The following SCAPER variants were observed in gnomAD, a reference collection of about 807,000 sequenced individuals.
SCAPER encodes the protein S-phase cyclin A associated protein in the ER, also known as S phase cyclin A-associated protein in the endoplasmic reticulum.
Under a neutral mutation model 182.2 loss-of-function variants are expected in SCAPER, and 98 were observed. The observed-to-expected ratio is 0.54, with a 90% CI of 0.46 to 0.64. The LOEUF (loss-of-function observed/expected upper bound fraction) is 0.64. SCAPER is among the 30% of genes least tolerant of loss of function. The pLI is 0.00. For synonymous variants in SCAPER, 605 were observed against 564.6 expected, an observed-to-expected ratio of 1.07 and a Z score of -1.01; for missense variants, 1,432 against 1,690.0, an observed-to-expected ratio of 0.85 and a Z score of 2.68.
At chr15:76,703,360 C>G (rs946355024) in intron 18 of SCAPER, among the ~76,000 whole-genome samples, 3 of 152,182 alleles carry the variant, frequency 2.0e-5, no homozygotes, top group East Asian at 1.9e-4. Context: ...TAGTAGGCAT[C>G]AACTTACAAA....
In SCAPER at chr15:76,595,303, G is replaced by C. The variant is rs1433767580; in HGVS notation, c.2712-21019C>G. Among the ~76,000 whole-genome samples, 4 of 119,716 alleles carry C rather than the reference G, an allele frequency of 3.3e-5. 2 individuals carry two copies. Among genetic ancestry groups the C allele is most frequent in the Non-Finnish European group, 8.2e-5 (4 of 48,920 alleles). 78.5% of individuals were successfully genotyped at this position (119,716 alleles called of 152,430 possible). The stretch of plus-strand genomic sequence containing the variant: ...ACTATCCTAAATATATACGGACCCA[G>C]ATACATAAAGCAAGTTCTTAGAGAC... On this transcript the variant is annotated intron_variant, in intron 22 of 31. Transcript: ENST00000563290.
intron 14 of SCAPER, among the ~76,000 whole-genome samples, chr15:76,754,865 C>T (rs2062318856): frequency 6.6e-6 from 1 of 152,040 alleles, no homozygotes; most frequent in African/African-American, 2.4e-5. Context: ...ATTGTTTTTA[C>T]TTCTATAAAA....
intron 24 of SCAPER, among the ~76,000 whole-genome samples, chr15:76,501,392 GA>G: frequency 6.9e-6 from 1 of 145,546 alleles, no homozygotes; most frequent in South Asian, 2.2e-4. Context: ...TCATTCACAC[GA>G]AGTTGCTTAA....
At chr15:76,488,685 C>T (rs535530279) in intron 24 of SCAPER, among the ~76,000 whole-genome samples, 3 of 136,280 alleles carry the variant, frequency 2.2e-5, no homozygotes, top group Admixed American at 7.6e-5. Flanking sequence ...TCAATTCTTG[C>T]GTGTTGCATC....
intron 26 of SCAPER, among the ~76,000 whole-genome samples, chr15:76,431,675 G>GAAAAAAAAAA (rs1567126176): frequency 2.3e-4 from 1 of 4,316 alleles, no homozygotes; most frequent in Non-Finnish European, 3.6e-4. Flanking sequence ...AAAATGATTA[G>GAAAAAAAAAA]CAAAAAAAAA....
chr15:76,727,852 T>C (rs887026218), intron 17 of SCAPER, among the ~76,000 whole-genome samples: 1 of 149,126 alleles, frequency 6.7e-6, no homozygotes, highest in African/African-American at 2.5e-5. Flanking sequence ...TAAACATCAA[T>C]AAGAAAAAAA....
intron 26 of SCAPER, among the ~76,000 whole-genome samples, chr15:76,407,498 T>C (rs187554117): frequency 6.6e-6 from 1 of 152,352 alleles, no homozygotes; most frequent in Admixed American, 6.5e-5. Flanking sequence ...TTTACTTACG[T>C]TGTTTCAAGC....
At chr15:76,729,022 C>T (rs2060752230) in intron 16 of SCAPER, among the ~76,000 whole-genome samples, 1 of 152,030 alleles carries the variant, frequency 6.6e-6, no homozygotes, top group African/African-American at 2.4e-5. Flanking sequence ...TAATCAGCTG[C>T]CAGCGAGGCT....
chr15:76,596,913 C>T lies in SCAPER; in HGVS notation c.2712-22629G>A, dbSNP rs1470919606. Among the ~76,000 whole-genome samples the T allele has an allele frequency of 4.9e-5, 6 of 121,882 alleles. 1 individual carries two copies. The highest frequency in any genetic ancestry group is 1.5e-4 in the African/African-American group (6 of 39,796). The allele number at this position is 121,882 out of a possible 152,430, so 80.0% of individuals were successfully genotyped here. ...GAAAACCGGCAAAGACAAGGATGCC[C>T]TCTCTCACCACTCCTATTCAACATA... On this transcript the variant is annotated intron_variant, in intron 22 of 31. Transcript: ENST00000563290.
chr15:76,725,678 A>G (rs922745547), intron 17 of SCAPER, among the ~76,000 whole-genome samples: 4 of 152,094 alleles, frequency 2.6e-5, no homozygotes, highest in Non-Finnish European at 5.9e-5. Context: ...ACAGTGAGCC[A>G]AGAAATACAG....
chr15:76,479,582 G>A (rs1035936595), intron 24 of SCAPER, among the ~76,000 whole-genome samples: 2 of 151,948 alleles, frequency 1.3e-5, no homozygotes, highest in African/African-American at 2.4e-5. Flanking sequence ...CATAAAATTG[G>A]GTCTTTTGAC....
At chr15:76,393,901 T>A (rs955537652) in intron 27 of SCAPER, among the ~76,000 whole-genome samples, 1 of 152,178 alleles carries the variant, frequency 6.6e-6, no homozygotes, top group East Asian at 1.9e-4. Flanking sequence ...ACCACAGATG[T>A]GTGAATAAGC....
intron 22 of SCAPER, among the ~76,000 whole-genome samples, chr15:76,605,445 T>C (rs914156301): frequency 2.6e-5 from 4 of 152,212 alleles, no homozygotes; most frequent in African/African-American, 9.7e-5. Flanking sequence ...TTGAGGATTT[T>C]TGCATCAATG....
chr15:76,548,686 C>A (rs189864044), intron 23 of SCAPER, among the ~76,000 whole-genome samples: 15 of 152,232 alleles, frequency 9.9e-5, no homozygotes, highest in East Asian at 1.9e-4. Context: ...CAAAAACAAG[C>A]AATGGGGAAA....
At chr15:76,753,263 C>T (rs142321923) in intron 15 of SCAPER, among the ~76,000 whole-genome samples, 54 of 151,738 alleles carry the variant, frequency 3.6e-4, no homozygotes, top group Non-Finnish European at 6.6e-4. Context: ...TATTTCCATA[C>T]GTAAAGAAAT....
intron 23 of SCAPER, among the ~76,000 whole-genome samples, chr15:76,555,203 C>G (rs571324017): frequency 2.0e-5 from 3 of 152,262 alleles, no homozygotes; most frequent in Admixed American, 2.0e-4. Context: ...GAATTCATTA[C>G]CAGCAGAACT....
At chr15:76,484,239 A>C (rs570898227) in intron 24 of SCAPER, among the ~76,000 whole-genome samples, 1 of 152,294 alleles carries the variant, frequency 6.6e-6, no homozygotes, top group South Asian at 2.1e-4. Context: ...AGTCAGTCTA[A>C]AAAGGGTACA....
intron 22 of SCAPER, among the ~76,000 whole-genome samples, chr15:76,579,305 CAAT>C (rs758201152): frequency 7.4e-4 from 90 of 122,294 alleles, no homozygotes; most frequent in East Asian, 2.0e-3. Flanking sequence ...ACTACAACAA[CAAT>C]GTTTTAAGAC....
intron 9 of SCAPER, among the ~76,000 whole-genome samples, chr15:76,773,181 T>C (rs1488433300): frequency 6.6e-6 from 1 of 151,930 alleles, no homozygotes; most frequent in Non-Finnish European, 1.5e-5. Context: ...GTATCATTTT[T>C]ATAACAAAAT....
Sources: gnomAD v4.1 joint callset for allele counts (sites outside exome capture counted in the v4.1 genomes callset) on GRCh38, gnomAD v4.1.1 for gene constraint, MANE v1.5 for transcripts, NCBI Gene and HGNC (gene_info 2026-07-23, HGNC 2026-07-21) for gene names.